Variants in LGR6 observed in about 807,000 individuals in gnomAD.
The protein encoded by LGR6 is leucine-rich repeat-containing G protein-coupled receptor 6.
Under a neutral mutation model 69.4 loss-of-function variants are expected in LGR6, and 45 were observed. That is an observed-to-expected ratio of 0.65 (90% CI 0.51 to 0.83). The LOEUF is 0.83. Among genes scored for constraint, LGR6 ranks in the 40% least tolerant of loss-of-function variants. The probability of loss-of-function intolerance (pLI) is 0.00; values close to 1 mark genes in which losing one functional copy is unlikely to be tolerated. For synonymous variants in LGR6, 538 were observed against 555.0 expected, an observed-to-expected ratio of 0.97 and a Z score of 0.43; for missense variants, 1,108 against 1,246.7, an observed-to-expected ratio of 0.89 and a Z score of 1.68.
In LGR6 at chr1:202,253,795, A is replaced by AT. The variant is rs71141469; in HGVS notation, c.428+17830dup. Among the ~76,000 whole-genome samples, 271 of 47,988 alleles carry AT rather than the reference A, an allele frequency of 5.6e-3. 27 individuals carry two copies. Among genetic ancestry groups the AT allele is most frequent in the East Asian group, 0.018 (15 of 824 alleles). 31.5% of individuals were successfully genotyped at this position (47,988 alleles called of 152,430 possible). The stretch of plus-strand genomic sequence containing the variant: ...AGGCATATGCCACCACGCCTGGCTA[A>AT]TTTTTTTTTTTTTTTTTTTTTTTTT... On this transcript the variant is annotated intron_variant, in intron 4 of 17. Transcript: ENST00000367278.
intron 4 of LGR6, among the ~76,000 whole-genome samples, chr1:202,267,023 C>T (rs748265626): frequency 3.9e-5 from 6 of 152,148 alleles, no homozygotes; most frequent in Admixed American, 6.5e-5. Flanking sequence ...TTGTGTGGAA[C>T]GCCTGGCTAA....
chr1:202,260,901 T>A (rs1321777079), intron 4 of LGR6, among the ~76,000 whole-genome samples: 1 of 152,138 alleles, frequency 6.6e-6, no homozygotes, highest in Non-Finnish European at 1.5e-5. Context: ...GCCTTATCAT[T>A]TTATTCTTTC....
chr1:202,210,538 C>T (rs1415073818), intron 1 of LGR6, among the ~76,000 whole-genome samples: 8 of 152,110 alleles, frequency 5.3e-5, no homozygotes, highest in Non-Finnish European at 1.0e-4. Flanking sequence ...CCTGGCTCCA[C>T]CACAGGCAGG....
At chr1:202,296,303 A>G (rs909981119) in intron 6 of LGR6, among the ~76,000 whole-genome samples, 2 of 152,180 alleles carry the variant, frequency 1.3e-5, no homozygotes, top group African/African-American at 4.8e-5. Context: ...AGACACCCCC[A>G]AATCAGTCAC....
intron 5 of LGR6, 98 bp downstream of exon 5, chr1:202,276,619 C>A: frequency 9.8e-7 from 1 of 1,015,582 alleles, no homozygotes; most frequent in South Asian, 1.5e-5. Flanking sequence ...TAGCTTTGCT[C>A]TTCTTTGCAT....
In LGR6 at chr1:202,252,139, A is replaced by T. The variant is rs554265153; in HGVS notation, c.428+16146A>T. On this transcript the variant is annotated intron_variant, in intron 4 of 17. Transcript: ENST00000367278. ...ACCAGCTGGGGCAAATCTTCCCCTA[A>T]ATTATACCTGTTTTCACCTTTGTGT... Among the ~76,000 whole-genome samples, 2 of 152,002 alleles carry T rather than the reference A, an allele frequency of 1.3e-5. 1 individual carries two copies. Among genetic ancestry groups the T allele is most frequent in the South Asian group, 4.2e-4 (2 of 4,806 alleles).
intron 6 of LGR6, among the ~76,000 whole-genome samples, chr1:202,291,973 A>G (rs1666827105): frequency 1.3e-5 from 2 of 152,270 alleles, no homozygotes; most frequent in Admixed American, 6.5e-5. Context: ...ATTGAGGGAG[A>G]AAGGTATAGT....
At chr1:202,303,380 C>T (rs369812283) in intron 10 of LGR6, 33 bp downstream of exon 10, 43 of 1,550,930 alleles carry the variant, frequency 2.8e-5, no homozygotes, top group Non-Finnish European at 3.5e-5. Flanking sequence ...CCTTATCTAT[C>T]GCCCCAGCTT....
chr1:202,315,645 T>A (rs1654087754), intron 17 of LGR6, among the ~76,000 whole-genome samples: 1 of 152,250 alleles, frequency 6.6e-6, no homozygotes, highest in Non-Finnish European at 1.5e-5. Flanking sequence ...TTCTATTTCG[T>A]TCCACCTCCG....
chr1:202,207,265 G>A lies in LGR6; in HGVS notation c.212+13064G>A, dbSNP rs1169624392. Among the ~76,000 whole-genome samples the A allele has an allele frequency of 2.6e-5, 4 of 152,164 alleles. No individual in the cohort carries two copies. The East Asian group carries it at 7.7e-4, about 29-fold the overall frequency. ...TTCTCCCCTTAACCTAGGGGCTAGG[G>A]CAGGAGGGGATGAGAGGAAGGGGTC... On this transcript the variant is annotated intron_variant, in intron 1 of 17. Transcript: ENST00000367278.
Position 202,319,396 on chromosome 1 carries a change from T to C in LGR6, c.*189T>C. 1.7e-6 allele frequency: 1 copy of C among 599,428 alleles called. No homozygotes were observed. 37.1% of individuals were successfully genotyped at this position (599,428 alleles called of 1,614,324 possible). On this transcript the variant is annotated 3_prime_UTR_variant, in exon 18 of 18. Coordinates refer to ENST00000367278, the MANE Select transcript of LGR6 (RefSeq NM_001017403.2). Reference sequence around the variant, plus strand: ...ACCAACGGGTGCCTCTTGGCCTGGCTTTCCCTTGGCCTTCCTCAGCTTCAC... The same window carrying C: ...ACCAACGGGTGCCTCTTGGCCTGGCCTTCCCTTGGCCTTCCTCAGCTTCAC...
chr1:202,267,384 C>G (rs1664756458), intron 4 of LGR6, among the ~76,000 whole-genome samples: 1 of 152,106 alleles, frequency 6.6e-6, no homozygotes, highest in Admixed American at 6.5e-5. Flanking sequence ...CTGTTTAGTC[C>G]CTTTGGCTAC....
intron 1 of LGR6, among the ~76,000 whole-genome samples, chr1:202,223,092 A>G (rs1006499435): frequency 1.4e-5 from 1 of 71,670 alleles, no homozygotes; most frequent in Non-Finnish European, 3.9e-5. Context: ...CAACAGTGAA[A>G]CTCTGGGGAA....
At chr1:202,221,459 CT>C (rs1660148792) in intron 1 of LGR6, among the ~76,000 whole-genome samples, 1 of 152,124 alleles carries the variant, frequency 6.6e-6, no homozygotes, top group Non-Finnish European at 1.5e-5. Context: ...ACAACTGCCC[CT>C]CTCTTCTCTC....
intron 1 of LGR6, among the ~76,000 whole-genome samples, chr1:202,196,584 G>A (rs1423184538): frequency 2.0e-5 from 3 of 152,202 alleles, no homozygotes; most frequent in African/African-American, 7.2e-5. Flanking sequence ...ACACCTCTAA[G>A]CCTCAGGTTC....
intron 4 of LGR6, among the ~76,000 whole-genome samples, chr1:202,248,634 G>C (rs533948922): frequency 6.6e-6 from 1 of 152,170 alleles, no homozygotes; most frequent in Non-Finnish European, 1.5e-5. Flanking sequence ...CATGGTGTTT[G>C]GGGGGATGTG....
rs565055138 is a variant in LGR6, at chr1:202,263,940, C to T, written c.429-12366C>T. Among the ~76,000 whole-genome samples the T allele has an allele frequency of 1.2e-4, 18 of 152,222 alleles. No individual in the cohort carries two copies. The South Asian group carries it at 3.7e-3, about 32-fold the overall frequency. On this transcript the variant is annotated intron_variant, in intron 4 of 17. Coordinates refer to ENST00000367278, the MANE Select transcript of LGR6 (RefSeq NM_001017403.2). ...CCCAAGCCAAAGAGTTTGGGGTTGA[C>T]TAGAAGCCATAGATAATTCTGAGCA...
At chr1:202,317,234 G>A (rs766544826) in intron 17 of LGR6, among the ~76,000 whole-genome samples, 3 of 152,138 alleles carry the variant, frequency 2.0e-5, no homozygotes, top group Non-Finnish European at 4.4e-5. Flanking sequence ...TCCACTCCTT[G>A]ATGGCAGCCT....
intron 1 of LGR6, chr1:202,197,162 G>A (rs568482768): frequency 1.9e-6 from 1 of 516,266 alleles, no homozygotes; most frequent in Admixed American, 2.1e-5. Flanking sequence ...CAATAAAAAT[G>A]ACATCACATC....
Sources: allele counts gnomAD v4.1 joint callset (sites outside exome capture counted in the v4.1 genomes callset), GRCh38; gene constraint gnomAD v4.1.1; transcripts MANE v1.5; gene names NCBI Gene and HGNC (gene_info 2026-07-23, HGNC 2026-07-21).